The following BAZ2B variants were observed in gnomAD, a reference collection of about 807,000 sequenced individuals.
BAZ2B encodes the protein bromodomain adjacent to zinc finger domain 2B.
Under a neutral mutation model 246.0 loss-of-function variants are expected in BAZ2B, and 91 were observed. The observed-to-expected ratio is 0.37, with a 90% CI of 0.31 to 0.44. The LOEUF (loss-of-function observed/expected upper bound fraction) is 0.44, where lower values mean the gene tolerates loss of function less well. BAZ2B is among the 20% of genes least tolerant of loss of function. The probability of loss-of-function intolerance (pLI) is 1.00; values close to 1 mark genes in which losing one functional copy is unlikely to be tolerated. For synonymous variants in BAZ2B, 855 were observed against 860.0 expected, an observed-to-expected ratio of 0.99 and a Z score of 0.10; for missense variants, 2,332 against 2,533.7, an observed-to-expected ratio of 0.92 and a Z score of 1.71.
chr2:159,684,659 CTG>C, the BAZ2B span, among the ~76,000 whole-genome samples: 3 of 152,186 alleles, frequency 2.0e-5, no homozygotes. Flanking sequence ...AGACCATACA[CTG>C]TAACTGTCTT....
chr2:159,439,058 T>C lies in BAZ2B; in HGVS notation c.851A>G (p.Asp284Gly), dbSNP rs2072921630. Residue 284 changes from aspartate to glycine, a missense_variant, in exon 7 of 37, where the codon GAT becomes GGT. Asp to Gly is a moderately conservative substitution (Grantham distance 94). Transcript: ENST00000392783. Reference protein sequence around the residue: ...EEDQSIEESEDDDSDSESEAQ... With the variant: ...EEDQSIEESEGDDSDSESEAQ... ...TTCACTCTCTGAATCAGAATCATCA[T>C]CTTCACTTTCTTCAATACTTTGATC... is the stretch of plus-strand genomic sequence containing the variant. 1.9e-6 allele frequency: 3 copies of C among 1,613,844 alleles called. No homozygotes were observed. Among genetic ancestry groups the C allele is most frequent in the Non-Finnish European group, 2.5e-6 (3 of 1,179,928 alleles).
chr2:159,586,074 A>G (rs1400497460), intron 1 of BAZ2B, among the ~76,000 whole-genome samples: 8 of 152,336 alleles, frequency 5.3e-5, no homozygotes, highest in African/African-American at 1.9e-4. Context: ...ATATGTGCTT[A>G]GAAGTAGATT....
intron 31 of BAZ2B, among the ~76,000 whole-genome samples, chr2:159,341,000 T>C (rs1228742916): frequency 1.3e-5 from 2 of 152,000 alleles, no homozygotes; most frequent in Non-Finnish European, 2.9e-5. Context: ...ATCAATAAAA[T>C]GACAGGAGTA....
chr2:159,447,865 C>T (rs188931607), intron 5 of BAZ2B, among the ~76,000 whole-genome samples: 134 of 152,214 alleles, frequency 8.8e-4, no homozygotes, highest in South Asian at 2.7e-3. Context: ...GTGATCCCAG[C>T]GCTTTTGGAG....
In BAZ2B at chr2:159,386,385, C is replaced by T. The variant is rs756281966; in HGVS notation, c.3439G>A (p.Val1147Ile). The change falls in exon 22 of 37, where the codon GTA becomes ATA. Residue 1147 changes from valine (V) to isoleucine (I), a missense_variant. This residue lies in a region of BAZ2B where 328 missense variants were observed against 410.4 expected (regional missense o/e 0.80). Coordinates refer to ENST00000392783, the MANE Select transcript of BAZ2B (RefSeq NM_013450.4). ...DLLVRLLSAA[V>I]CDPGLITGYK... ...CCTGTTATTAGACCTGGATCACATA[C>T]AGCAGCTGAGAGGAGCCTCACAAGC... The T allele has an allele frequency of 2.5e-6, 4 of 1,613,106 alleles. No individual in the cohort carries two copies. Among genetic ancestry groups the T allele is most frequent in the Non-Finnish European group, 2.5e-6 (3 of 1,179,498 alleles).
chr2:159,601,346 C>A (rs1429221172), intron 1 of BAZ2B, among the ~76,000 whole-genome samples: 8 of 152,114 alleles, frequency 5.3e-5, no homozygotes, highest in Admixed American at 4.6e-4. Context: ...ATCACTTGCA[C>A]CTGGGAGGTC....
intron 1 of BAZ2B, among the ~76,000 whole-genome samples, chr2:159,569,894 T>A (rs545092842): frequency 2.6e-4 from 40 of 152,304 alleles, no homozygotes; most frequent in African/African-American, 9.4e-4. Flanking sequence ...AGATCATTTT[T>A]ATTGTTGTCT....
intron 3 of BAZ2B, among the ~76,000 whole-genome samples, chr2:159,474,688 C>G (rs1011977184): frequency 6.6e-6 from 1 of 152,128 alleles, no homozygotes; most frequent in Non-Finnish European, 1.5e-5. Flanking sequence ...TTTGCAGTGG[C>G]TGGTACTGGT....
chr2:159,400,917 A>G lies in BAZ2B; in HGVS notation c.2833-253T>C, dbSNP rs549774547. 1.4e-4 allele frequency among the ~76,000 whole-genome samples: 21 copies of G among 152,124 alleles called. No homozygotes were observed. In the East Asian group the frequency reaches 1.5e-3, roughly 11 times the overall value. On this transcript the variant is annotated intron_variant, in intron 16 of 36. Transcript: ENST00000392783. ...AAATTAGCAGGGCTTGGTGGCGGGC[A>G]CCTGTAGTCCCAACTACTCGGGAGG...
At chr2:159,360,433 C>T (rs1189954660) in intron 27 of BAZ2B, among the ~76,000 whole-genome samples, 4 of 152,110 alleles carry the variant, frequency 2.6e-5, no homozygotes, top group East Asian at 1.9e-4. Flanking sequence ...AACTATAAAC[C>T]ACTGCTCAAG....
At chr2:159,593,229 T>C (rs1404848969) in intron 1 of BAZ2B, among the ~76,000 whole-genome samples, 1 of 152,240 alleles carries the variant, frequency 6.6e-6, no homozygotes, top group African/African-American at 2.4e-5. Context: ...AAATCTATCA[T>C]TATTTTCCTC....
chr2:159,555,423 A>C (rs1319974807), intron 2 of BAZ2B: 1 of 152,134 alleles, frequency 6.6e-6, no homozygotes, highest in Non-Finnish European at 1.5e-5. Flanking sequence ...TCTTTCCTTA[A>C]TAATTCATTA....
rs771763066 is a variant in BAZ2B, at chr2:159,543,071, C to G, written c.-3+12752G>C. ...GATACCTCCCCCTCACAAAGTTGTT[C>G]GGAGGATGAAATAAATTAAAGCTAT... is the stretch of plus-strand genomic sequence containing the variant. On this transcript the variant is annotated intron_variant, in intron 2 of 36. Transcript: ENST00000392783. Among the ~76,000 whole-genome samples, 6 of 152,152 alleles carry G rather than the reference C, an allele frequency of 3.9e-5. No individual in the cohort carries two copies. The South Asian group carries it at 1.2e-3, about 32-fold the overall frequency.
At chr2:159,684,418 G>C in the BAZ2B span, among the ~76,000 whole-genome samples, 1 of 152,144 alleles carries the variant, frequency 6.6e-6, no homozygotes, top group East Asian at 1.9e-4. Flanking sequence ...TTATTTGACA[G>C]ACTAAATAAA....
At chr2:159,413,107 C>T (rs997754980) in intron 13 of BAZ2B, among the ~76,000 whole-genome samples, 1 of 152,190 alleles carries the variant, frequency 6.6e-6, no homozygotes, top group Non-Finnish European at 1.5e-5. Flanking sequence ...GTATCAGCCT[C>T]CTGATGGAGG....
At chr2:159,393,276 T>C (rs2149636131) in intron 20 of BAZ2B, among the ~76,000 whole-genome samples, 1 of 152,266 alleles carries the variant, frequency 6.6e-6, no homozygotes, top group East Asian at 1.9e-4. Flanking sequence ...GGTTTACTTT[T>C]TGAAAAGATC....
rs538920690 is a variant in BAZ2B, at chr2:159,517,276, C to T, written c.-3+38547G>A. Among the ~76,000 whole-genome samples, 405 of 151,924 alleles carry T rather than the reference C, an allele frequency of 2.7e-3. 2 individuals carry two copies. Among genetic ancestry groups the T allele is most frequent in the Admixed American group, 4.6e-3 (70 of 15,274 alleles). The stretch of plus-strand genomic sequence containing the variant: ...GAGCATTTTTTAAAAACATTGTTAG[C>T]TTGAAAACTAAGTTTCTTTGTCCAT... On this transcript the variant is annotated intron_variant, in intron 2 of 36. Coordinates refer to ENST00000392783, the MANE Select transcript of BAZ2B (RefSeq NM_013450.4).
chr2:159,380,548 A>G (rs1023978167), intron 25 of BAZ2B, among the ~76,000 whole-genome samples: 6 of 152,184 alleles, frequency 3.9e-5, no homozygotes, highest in African/African-American at 1.4e-4. Context: ...TATCCTCTGG[A>G]AGGCCTTCTT....
At chr2:159,696,008 C>A in the BAZ2B span, among the ~76,000 whole-genome samples, 2 of 152,092 alleles carry the variant, frequency 1.3e-5, no homozygotes, top group Admixed American at 1.3e-4. Context: ...CGATCCCCAA[C>A]CTTAGCCTCC....
Sources: gnomAD v4.1 joint callset for allele counts (sites outside exome capture counted in the v4.1 genomes callset) on GRCh38, gnomAD v4.1.1 for gene constraint, gnomAD v4.1.1 regional missense constraint, MANE v1.5 for transcripts, NCBI Gene and HGNC (gene_info 2026-07-23, HGNC 2026-07-21) for gene names.